The following DCLK2 variants were observed in gnomAD, a reference collection of about 807,000 sequenced individuals.
DCLK2 encodes the protein serine/threonine-protein kinase DCLK2.
Under a neutral mutation model 78.4 loss-of-function variants are expected in DCLK2, and 31 were observed. The observed-to-expected ratio is 0.40, with a 90% CI of 0.30 to 0.53. DCLK2 has a LOEUF of 0.53. DCLK2 is among the 20% of genes least tolerant of loss of function. DCLK2 has a pLI of 0.61. For synonymous variants in DCLK2, 407 were observed against 374.9 expected (o/e 1.09, Z -0.99); for missense variants, 872 against 973.7 (o/e 0.90, Z 1.39).
At chr4:150,112,539 G>A (rs1276981427) in intron 2 of DCLK2, among the ~76,000 whole-genome samples, 1 of 152,148 alleles carries the variant, frequency 6.6e-6, no homozygotes, top group Non-Finnish European at 1.5e-5. Context: ...TCTCCATTCA[G>A]TATAATGTTG....
intron 8 of DCLK2, among the ~76,000 whole-genome samples, chr4:150,231,288 T>C (rs149230419): frequency 0.011 from 1,643 of 152,370 alleles, 31 homozygotes; most frequent in African/African-American, 0.038. Context: ...TTTCCCATAC[T>C]TCTGTTTAGC....
At chr4:150,099,919 G>A (rs1730769770) in intron 1 of DCLK2, among the ~76,000 whole-genome samples, 1 of 152,134 alleles carries the variant, frequency 6.6e-6, no homozygotes, top group South Asian at 2.1e-4. Flanking sequence ...AGTTTGGTTT[G>A]TTTGCTTTAT....
At chr4:150,204,983 G>A (rs1322648194) in intron 5 of DCLK2, among the ~76,000 whole-genome samples, 6 of 152,016 alleles carry the variant, frequency 3.9e-5, no homozygotes, top group Non-Finnish European at 8.8e-5. Flanking sequence ...ACAGTGTCAT[G>A]TATGTGTATA....
chr4:150,106,932 T>C (rs1731301635), intron 2 of DCLK2, among the ~76,000 whole-genome samples: 1 of 152,226 alleles, frequency 6.6e-6, no homozygotes, highest in Non-Finnish European at 1.5e-5. Flanking sequence ...TAGGACTTTG[T>C]CTGTATTAAT....
chr4:150,099,988 C>CTGTA, intron 1 of DCLK2, among the ~76,000 whole-genome samples: 1 of 152,286 alleles, frequency 6.6e-6, no homozygotes, highest in South Asian at 2.1e-4. Context: ...TTATATCTCT[C>CTGTA]TGTAGCCTTG....
intron 2 of DCLK2, among the ~76,000 whole-genome samples, chr4:150,156,384 C>T (rs946928478): frequency 2.6e-5 from 4 of 152,066 alleles, no homozygotes; most frequent in South Asian, 4.2e-4. Context: ...TTGTGGCTCA[C>T]GCCTATAATC....
intron 2 of DCLK2, among the ~76,000 whole-genome samples, chr4:150,110,022 G>A (rs936189787): frequency 1.3e-5 from 2 of 152,146 alleles, no homozygotes; most frequent in Non-Finnish European, 2.9e-5. Context: ...TTTGATATCC[G>A]TTGTAAAGCA....
intron 2 of DCLK2, among the ~76,000 whole-genome samples, chr4:150,166,389 A>G (rs7680525): frequency 0.29 from 43,990 of 151,694 alleles, 6,727 homozygotes; most frequent in South Asian, 0.49. Flanking sequence ...AGCTACTTGG[A>G]AGGCTGAGTT....
In DCLK2 at chr4:150,078,959, C is replaced by A. The variant is rs879474068; in HGVS notation, c.-69C>A. 1 of 1,461,426 alleles carries A rather than the reference C, an allele frequency of 6.8e-7. No individual in the cohort carries two copies. The highest frequency in any genetic ancestry group is 9.0e-7 in the Non-Finnish European group (1 of 1,106,010). 90.5% of individuals were successfully genotyped at this position (1,461,426 alleles called of 1,614,324 possible). On this transcript the variant is annotated 5_prime_UTR_variant, in exon 1 of 16. Transcript: ENST00000296550. ...TTAAGGGCCCTCGCAGTCAGACGTC[C>A]CTGCACCGGCGCTCGCACCCTTAGT...
At chr4:150,186,923 T>TGTGC (rs759429036) in intron 2 of DCLK2, among the ~76,000 whole-genome samples, 17 of 151,846 alleles carry the variant, frequency 1.1e-4, no homozygotes, top group Non-Finnish European at 2.4e-4. Context: ...TGTGTGTGTG[T>TGTGC]GTGTGTAGTC....
At chr4:150,091,781 G>GTGTC (rs1369386951) in intron 1 of DCLK2, among the ~76,000 whole-genome samples, 1 of 151,296 alleles carries the variant, frequency 6.6e-6, no homozygotes, top group African/African-American at 2.4e-5. Flanking sequence ...GTGTGTGTGT[G>GTGTC]TGTGTGTGTG....
chr4:150,209,740 G>A (rs1275784179), intron 5 of DCLK2: 1 of 152,188 alleles, frequency 6.6e-6, no homozygotes, highest in Admixed American at 6.5e-5. Context: ...TGTCTAGCAG[G>A]GTTTCTGGTG....
rs551572439 is a variant in DCLK2, at chr4:150,257,301, A to G, written c.*1054A>G. Reference sequence around the variant, plus strand: ...TTTGTCCACCACCCTGCTCTTTTTAATAATTGTACATAATCCGTGTATTTG... The same window carrying G: ...TTTGTCCACCACCCTGCTCTTTTTAGTAATTGTACATAATCCGTGTATTTG... On this transcript the variant is annotated 3_prime_UTR_variant, in exon 16 of 16. Coordinates refer to ENST00000296550, the MANE Select transcript of DCLK2 (RefSeq NM_001040260.4). The G allele has an allele frequency of 6.5e-6, 1 of 152,758 alleles. No homozygotes were observed. The highest frequency in any genetic ancestry group is 1.5e-5 in the Non-Finnish European group (1 of 68,068). The allele number at this position is 152,758 out of a possible 1,614,324, so 9.5% of individuals were successfully genotyped here. A position where few individuals can be genotyped will look rare whatever the true frequency, so the allele number is the denominator to read the frequency against.
intron 8 of DCLK2, among the ~76,000 whole-genome samples, chr4:150,227,195 C>G (rs755219520): frequency 1.3e-5 from 2 of 152,186 alleles, no homozygotes; most frequent in Non-Finnish European, 2.9e-5. Context: ...TGTTCCCTCT[C>G]TAAGTTCAAT....
intron 12 of DCLK2, among the ~76,000 whole-genome samples, chr4:150,241,553 C>T (rs1742925900): frequency 6.6e-6 from 1 of 152,130 alleles, no homozygotes; most frequent in South Asian, 2.1e-4. Flanking sequence ...CTACTGTGTG[C>T]CAGGCATGAT....
intron 7 of DCLK2, among the ~76,000 whole-genome samples, chr4:150,222,062 G>A (rs999295404): frequency 6.6e-6 from 1 of 151,968 alleles, no homozygotes; most frequent in African/African-American, 2.4e-5. Context: ...CACCATCATA[G>A]TTCACTGCAG....
At chr4:150,198,205 G>A in intron 4 of DCLK2, 102 bp downstream of exon 4, 1 of 982,552 alleles carries the variant, frequency 1.0e-6, no homozygotes, top group East Asian at 2.8e-5. Context: ...AGGGTCGTAT[G>A]CAGCCAAGTT....
At chr4:150,253,663 T>C (rs1015059772) in intron 15 of DCLK2, 3 of 1,249,530 alleles carry the variant, frequency 2.4e-6, no homozygotes, top group Non-Finnish European at 3.1e-6. Flanking sequence ...AGCTGCTTAC[T>C]GGTGTGGGTC....
At chr4:150,176,088 C>T (rs765427857) in intron 2 of DCLK2, among the ~76,000 whole-genome samples, 18 of 152,164 alleles carry the variant, frequency 1.2e-4, no homozygotes, top group Non-Finnish European at 2.1e-4. Context: ...CACTAATGTT[C>T]GAATCCTTGC....
Sources: gnomAD v4.1 joint callset for allele counts (sites outside exome capture counted in the v4.1 genomes callset) on GRCh38, gnomAD v4.1.1 for gene constraint, MANE v1.5 for transcripts, NCBI Gene and HGNC (gene_info 2026-07-23, HGNC 2026-07-21) for gene names.